CPQ: variants seen among roughly 807,000 people sequenced by gnomAD.
CPQ encodes the protein carboxypeptidase Q.
In CPQ, 37 loss-of-function variants were observed where a neutral mutation model predicts 45.7. The observed-to-expected ratio is 0.81, with a 90% CI of 0.62 to 1.07. CPQ has a LOEUF of 1.07. Ranked by LOEUF, CPQ falls within the 50% of genes least tolerant of loss-of-function variation. The probability of loss-of-function intolerance (pLI) is 0.00; values close to 1 mark genes in which losing one functional copy is unlikely to be tolerated. For synonymous variants in CPQ, 186 were observed against 205.8 expected (o/e 0.90, Z 0.82); for missense variants, 537 against 572.9 (o/e 0.94, Z 0.64).
At position 97,058,976 on chromosome 8, in the gene CPQ, A is replaced by C. The variant is rs1311481075; in HGVS notation, c.1054-7033A>C. Among the ~76,000 whole-genome samples the C allele has an allele frequency of 2.0e-5, 3 of 151,926 alleles. No homozygotes were observed. In the East Asian group the frequency reaches 5.8e-4, roughly 29 times the overall value. ...TTTGCTATATAATACAAATAAAATT[A>C]CTCTTTTTAGCTAATGTTTATGCCA... On this transcript the variant is annotated intron_variant, in intron 6 of 7. Transcript: ENST00000220763.
chr8:96,661,012 C>A (rs1486832969), intron 1 of CPQ, among the ~76,000 whole-genome samples: 1 of 152,130 alleles, frequency 6.6e-6, no homozygotes, highest in African/African-American at 2.4e-5. Context: ...AGGACATATT[C>A]TTTATTTCTG....
intron 7 of CPQ, among the ~76,000 whole-genome samples, chr8:97,119,264 A>G (rs2513415): frequency 0.44 from 66,322 of 149,146 alleles, 15,661 homozygotes; most frequent in African/African-American, 0.61. Context: ...AGGAGGCAGA[A>G]GTTACAGTGA....
At chr8:96,990,089 G>T (rs190791462) in intron 5 of CPQ, among the ~76,000 whole-genome samples, 79 of 152,164 alleles carry the variant, frequency 5.2e-4, no homozygotes, top group African/African-American at 1.7e-3. Flanking sequence ...CTTTGCTGAT[G>T]TTCACACCCT....
intron 6 of CPQ, among the ~76,000 whole-genome samples, chr8:97,048,184 C>T (rs1810293458): frequency 6.6e-6 from 1 of 152,128 alleles, no homozygotes; most frequent in Admixed American, 6.5e-5. Context: ...CTGGCCAGGT[C>T]CACTTAGTGA....
chr8:97,032,256 G>T (rs187982645), intron 6 of CPQ, among the ~76,000 whole-genome samples: 65 of 152,304 alleles, frequency 4.3e-4, no homozygotes, highest in Non-Finnish European at 7.4e-4. Flanking sequence ...CTACAGTAGG[G>T]CTCTGCTTTA....
intron 3 of CPQ, among the ~76,000 whole-genome samples, chr8:96,854,757 C>G (rs1811824491): frequency 1.3e-5 from 2 of 151,976 alleles, no homozygotes; most frequent in African/African-American, 4.8e-5. Flanking sequence ...TGAGCTAATG[C>G]TTTAGTTACA....
intron 3 of CPQ, among the ~76,000 whole-genome samples, chr8:96,847,577 A>G (rs557407330): frequency 6.6e-6 from 1 of 152,222 alleles, no homozygotes; most frequent in Non-Finnish European, 1.5e-5. Flanking sequence ...TATTCATCCA[A>G]AGTTACCCAG....
At chr8:96,744,200 C>A (rs866098325) in intron 1 of CPQ, among the ~76,000 whole-genome samples, 1 of 140,430 alleles carries the variant, frequency 7.1e-6, no homozygotes, top group African/African-American at 2.6e-5. Flanking sequence ...TTAAGCCAGT[C>A]GGAAAAGCGC....
chr8:96,873,190 A>G (rs1457692989), intron 3 of CPQ, among the ~76,000 whole-genome samples: 1 of 151,834 alleles, frequency 6.6e-6, no homozygotes. Flanking sequence ...GTCTGTCATC[A>G]ATATGGAATA....
chr8:96,778,657 G>A (rs1385560655), intron 1 of CPQ, among the ~76,000 whole-genome samples: 1 of 152,048 alleles, frequency 6.6e-6, no homozygotes, highest in African/African-American at 2.4e-5. Flanking sequence ...TGAAAATACA[G>A]TCTAGTTAAG....
At chr8:97,034,018 TC>T (rs1353516649) in intron 6 of CPQ, among the ~76,000 whole-genome samples, 2 of 152,200 alleles carry the variant, frequency 1.3e-5, no homozygotes, top group Non-Finnish European at 2.9e-5. Context: ...AATTATGCTT[TC>T]TTATGACATA....
At chr8:96,683,221 C>T (rs1809175449) in intron 1 of CPQ, among the ~76,000 whole-genome samples, 1 of 151,850 alleles carries the variant, frequency 6.6e-6, no homozygotes, top group Admixed American at 6.6e-5. Context: ...TGATGAATTC[C>T]CTGTTTTTGA....
chr8:96,777,747 TATATATATATA>T (rs1810629241), intron 1 of CPQ, among the ~76,000 whole-genome samples: 1 of 13,176 alleles, frequency 7.6e-5, no homozygotes, highest in African/African-American at 3.1e-4. Context: ...TATATATATA[TATATATATATA>T]TATTTTTTTT....
At chr8:97,083,243 A>G (rs1810984847) in intron 7 of CPQ, among the ~76,000 whole-genome samples, 1 of 152,188 alleles carries the variant, frequency 6.6e-6, no homozygotes, top group African/African-American at 2.4e-5. Flanking sequence ...GAATAATTTT[A>G]TATTTAAAGC....
chr8:97,099,612 T>C (rs1254273964), intron 7 of CPQ, among the ~76,000 whole-genome samples: 2 of 152,036 alleles, frequency 1.3e-5, no homozygotes, highest in East Asian at 1.9e-4. Flanking sequence ...GCTTGAAATA[T>C]TGTAGAGCAA....
At chr8:96,908,034 G>A (rs1812601110) in intron 4 of CPQ, among the ~76,000 whole-genome samples, 1 of 151,712 alleles carries the variant, frequency 6.6e-6, no homozygotes, top group African/African-American at 2.4e-5. Context: ...TTTTACTGAT[G>A]GTTCCCAAGG....
At chr8:96,950,394 C>T (rs574918560) in intron 4 of CPQ, among the ~76,000 whole-genome samples, 1 of 152,152 alleles carries the variant, frequency 6.6e-6, no homozygotes, top group African/African-American at 2.4e-5. Flanking sequence ...TTTATTGACC[C>T]TGCTGTATGC....
chr8:96,726,708 G>A (rs564515950), intron 1 of CPQ, among the ~76,000 whole-genome samples: 3 of 152,156 alleles, frequency 2.0e-5, no homozygotes, highest in Non-Finnish European at 4.4e-5. Flanking sequence ...CAACAATAGC[G>A]ATTACAACTG....
chr8:96,700,844 G>T (rs772375448), intron 1 of CPQ, among the ~76,000 whole-genome samples: 3 of 152,174 alleles, frequency 2.0e-5, no homozygotes, highest in African/African-American at 7.2e-5. Context: ...TCTGCTCCAG[G>T]CCTGACCTGA....
Sources: gnomAD v4.1 joint callset for allele counts (sites outside exome capture counted in the v4.1 genomes callset) on GRCh38, gnomAD v4.1.1 for gene constraint, MANE v1.5 for transcripts, NCBI Gene and HGNC (gene_info 2026-07-23, HGNC 2026-07-21) for gene names.